The following DLG1 variants were observed in gnomAD, a reference collection of about 807,000 sequenced individuals.
DLG1 encodes discs large MAGUK scaffold protein 1, also known as disks large homolog 1.
A neutral mutation model predicts 123.4 loss-of-function variants in DLG1; 42 were observed. That is an observed-to-expected ratio of 0.34 (90% CI 0.27 to 0.44). DLG1 has a LOEUF of 0.44. DLG1 is among the 20% of genes least tolerant of loss of function. The pLI is 1.00. For missense variants in DLG1, 942 were observed against 1,082.6 expected, an observed-to-expected ratio of 0.87 and a Z score of 1.82; for synonymous variants, 317 against 356.2, an observed-to-expected ratio of 0.89 and a Z score of 1.24.
chr3:197,128,183 AT>A (rs1476440797), intron 11 of DLG1, among the ~76,000 whole-genome samples: 11 of 152,246 alleles, frequency 7.2e-5, no homozygotes, highest in Admixed American at 7.2e-4. Context: ...ACTGAAGTGA[AT>A]TCTCTTAAAC....
At chr3:197,213,411 G>A (rs1434794354) in intron 4 of DLG1, among the ~76,000 whole-genome samples, 1 of 152,076 alleles carries the variant, frequency 6.6e-6, no homozygotes, top group African/African-American at 2.4e-5. Flanking sequence ...GGGAGTGGAG[G>A]GCTGAATGAA....
intron 4 of DLG1, among the ~76,000 whole-genome samples, chr3:197,278,817 G>C (rs422203): frequency 0.13 from 19,684 of 151,678 alleles, 1,713 homozygotes; most frequent in South Asian, 0.34. Context: ...TCAAGGCTTT[G>C]TGAAAATTGA....
chr3:197,297,471 G>C lies in DLG1; in HGVS notation c.-31-236C>G. On this transcript the variant is annotated intron_variant, in intron 1 of 24. Transcript: ENST00000667157. ...AGAAGTCGGCTTCCAAACTCTCCTC[G>C]AAAGCGTCCCCTCCCCAAAGAGCCT... 3.7e-6 allele frequency: 5 copies of C among 1,334,300 alleles called. No homozygotes were observed. In the South Asian group the frequency reaches 8.2e-5, roughly 22 times the overall value. 82.7% of individuals were successfully genotyped at this position (1,334,300 alleles called of 1,614,324 possible). A position where few individuals can be genotyped will look rare whatever the true frequency, so the allele number is the denominator to read the frequency against.
At chr3:197,064,400 C>T (rs896657376) in intron 22 of DLG1, among the ~76,000 whole-genome samples, 1 of 152,164 alleles carries the variant, frequency 6.6e-6, no homozygotes, top group African/African-American at 2.4e-5. Context: ...ACCATGTTGG[C>T]CAGGCTGGTC....
At chr3:197,153,230 A>G (rs1794812307) in intron 5 of DLG1, among the ~76,000 whole-genome samples, 2 of 152,340 alleles carry the variant, frequency 1.3e-5, no homozygotes, top group South Asian at 4.1e-4. Context: ...GATTGTAAAA[A>G]CAAATGGGGT....
intron 4 of DLG1, among the ~76,000 whole-genome samples, chr3:197,203,396 G>C (rs1045541165): frequency 6.6e-6 from 1 of 151,956 alleles, no homozygotes; most frequent in Non-Finnish European, 1.5e-5. Flanking sequence ...TCGAAAACTA[G>C]GTTTTCTGAA....
Position 197,214,891 on chromosome 3 carries a change from A to C in DLG1, c.319-20302T>G, listed in dbSNP as rs547605243. Reference sequence around the variant, plus strand: ...CCCACTCAAGAAGAAATGCACATTAAAACAATGATCTATCACTTTTATCTG... The same window carrying C: ...CCCACTCAAGAAGAAATGCACATTACAACAATGATCTATCACTTTTATCTG... On this transcript the variant is annotated intron_variant, in intron 4 of 24. Coordinates refer to ENST00000667157, the MANE Select transcript of DLG1 (RefSeq NM_001366207.1). Among the ~76,000 whole-genome samples, 7 of 152,344 alleles carry C rather than the reference A, an allele frequency of 4.6e-5. No homozygotes were observed. The East Asian group carries it at 1.3e-3, about 29-fold the overall frequency.
intron 13 of DLG1, among the ~76,000 whole-genome samples, chr3:197,112,993 A>T (rs987391501): frequency 1.3e-5 from 2 of 152,150 alleles, no homozygotes; most frequent in Non-Finnish European, 2.9e-5. Flanking sequence ...ATAGTCTCTG[A>T]TATTTTCTTC....
At chr3:197,048,355 C>T (rs1724872297) in intron 24 of DLG1, among the ~76,000 whole-genome samples, 1 of 152,120 alleles carries the variant, frequency 6.6e-6, no homozygotes, top group South Asian at 2.1e-4. Context: ...CCTGTAATCC[C>T]AGCTATTCAG....
intron 5 of DLG1, among the ~76,000 whole-genome samples, chr3:197,187,827 T>C (rs1034805270): frequency 6.6e-6 from 1 of 152,210 alleles, no homozygotes; most frequent in Non-Finnish European, 1.5e-5. Flanking sequence ...ACCCACTGTG[T>C]CCTTCTCTTC....
Position 197,084,670 on chromosome 3 carries a change from AAC to A in DLG1, c.1838+908_1838+909del, listed in dbSNP as rs766903296. On this transcript the variant is annotated intron_variant, in intron 16 of 24. Transcript: ENST00000667157. ...TTTGAATAAAATCAAATGGCTGTGA[AAC>A]ACAATATAAAAAACTGAGCATAAAA... 2.6e-5 allele frequency among the ~76,000 whole-genome samples: 4 copies of A among 152,240 alleles called. No individual in the cohort carries two copies. In the South Asian group the frequency reaches 8.3e-4, roughly 32 times the overall value.
chr3:197,258,388 T>A (rs1316724470), intron 4 of DLG1, among the ~76,000 whole-genome samples: 1 of 124,050 alleles, frequency 8.1e-6, no homozygotes, highest in Non-Finnish European at 1.6e-5. Flanking sequence ...GCAAACGTTT[T>A]AAAGTCAGAT....
At chr3:197,161,043 C>A (rs1035504359) in intron 5 of DLG1, among the ~76,000 whole-genome samples, 1 of 152,158 alleles carries the variant, frequency 6.6e-6, no homozygotes, top group South Asian at 2.1e-4. Context: ...GACTCTCTCA[C>A]ATTTGGCTAT....
intron 5 of DLG1, among the ~76,000 whole-genome samples, chr3:197,161,005 T>C (rs1216217769): frequency 6.6e-6 from 1 of 152,178 alleles, no homozygotes; most frequent in East Asian, 1.9e-4. Flanking sequence ...TTGGAAGTAG[T>C]AAAGCTTTGA....
intron 16 of DLG1, among the ~76,000 whole-genome samples, chr3:197,083,794 C>CAAACAA (rs3051913): frequency 0.25 from 36,720 of 149,316 alleles, 5,528 homozygotes; most frequent in East Asian, 0.71. Flanking sequence ...CCCATCTCCA[C>CAAACAA]AAACAAAAAC....
At chr3:197,046,263 G>A (rs12495674) in intron 24 of DLG1, among the ~76,000 whole-genome samples, 16,664 of 152,154 alleles carry the variant, frequency 0.11, 1,226 homozygotes, top group South Asian at 0.3. Context: ...ACAACAGCAC[G>A]CAAGGATTTA....
chr3:197,297,550 C>G, intron 1 of DLG1: 1 of 1,103,828 alleles, frequency 9.1e-7, no homozygotes, highest in South Asian at 2.7e-5. Flanking sequence ...CCACCTGCTA[C>G]TGGGTACGGG....
At chr3:197,262,796 TA>T (rs1373401589) in intron 4 of DLG1, among the ~76,000 whole-genome samples, 1 of 152,186 alleles carries the variant, frequency 6.6e-6, no homozygotes, top group Admixed American at 6.5e-5. Context: ...CTCACACATC[TA>T]GTCAGCACAG....
At position 197,119,353 on chromosome 3, in the gene DLG1, T is replaced by C. The variant is rs1422322953; in HGVS notation, c.1286+57A>G. Reference sequence around the variant, plus strand: ...ATTGTGGCTATCTTACATGGCTGATTAAAATTCAATTTAATAGTTGATTTT... The same window carrying C: ...ATTGTGGCTATCTTACATGGCTGATCAAAATTCAATTTAATAGTTGATTTT... On this transcript the variant is annotated intron_variant, in intron 12 of 24. Transcript: ENST00000667157. The C allele has an allele frequency of 3.4e-6, 5 of 1,453,788 alleles. 1 individual carries two copies. The highest frequency in any genetic ancestry group is 3.9e-4 in the Middle Eastern group (2 of 5,192). 90.1% of individuals were successfully genotyped at this position (1,453,788 alleles called of 1,614,324 possible).
Sources: gnomAD v4.1 joint callset for allele counts (sites outside exome capture counted in the v4.1 genomes callset) on GRCh38, gnomAD v4.1.1 for gene constraint, MANE v1.5 for transcripts, NCBI Gene and HGNC (gene_info 2026-07-23, HGNC 2026-07-21) for gene names.